Variants in NELFCD observed in about 807,000 individuals in gnomAD.
NELFCD encodes negative elongation factor C/D.
In NELFCD, 48 loss-of-function variants were observed where a neutral mutation model predicts 72.9. The observed-to-expected ratio is 0.66, with a 90% CI of 0.52 to 0.84. The LOEUF is 0.84. Ranked by LOEUF, NELFCD falls within the 40% of genes least tolerant of loss-of-function variation. NELFCD has a pLI of 0.00. For missense variants in NELFCD, 538 were observed against 723.8 expected (o/e 0.74, Z 2.94); for synonymous variants, 297 against 280.6 (o/e 1.06, Z -0.59).
Position 58,994,986 on chromosome 20 carries a change from G to A in NELFCD, c.*310G>A, listed in dbSNP as rs955141459. 5 of 307,666 alleles carry A rather than the reference G, an allele frequency of 1.6e-5. No individual in the cohort carries two copies. The highest frequency in any genetic ancestry group is 1.1e-4 in the African/African-American group (5 of 46,200). The allele number at this position is 307,666 out of a possible 1,614,324, so 19.1% of individuals were successfully genotyped here. ...TCTGGCCGTCAGCCGCGGGCCGCTG[G>A]GAACTCCACTCGGGGAACTCCTTTC... On this transcript the variant is annotated 3_prime_UTR_variant, in exon 15 of 15. Coordinates refer to ENST00000652272, the MANE Select transcript of NELFCD (RefSeq NM_198976.4).
chr20:58,981,381 C>T lies in NELFCD; in HGVS notation c.60+12C>T, dbSNP rs2091730546. On this transcript the variant is annotated intron_variant, in intron 1 of 14. Coordinates refer to ENST00000652272, the MANE Select transcript of NELFCD (RefSeq NM_198976.4). ...CTGACGGCGGCCAGGTGAGGCGGGG[C>T]ACTGGGCGCACCCTAGAGAGAATCG... 3 of 1,058,638 alleles carry T rather than the reference C, an allele frequency of 2.8e-6. No individual in the cohort carries two copies. The highest frequency in any genetic ancestry group is 2.3e-6 in the Non-Finnish European group (2 of 867,092). 65.6% of individuals were successfully genotyped at this position (1,058,638 alleles called of 1,614,324 possible). A position where few individuals can be genotyped will look rare whatever the true frequency, so the allele number is the denominator to read the frequency against.
intron 9 of NELFCD, 142 bp downstream of exon 9, chr20:58,991,588 GA>G: frequency 1.0e-6 from 1 of 972,280 alleles, no homozygotes; most frequent in Non-Finnish European, 1.5e-6. Context: ...TCTGCGTAGA[GA>G]AAGCACTAAA....
Position 58,991,930 on chromosome 20 carries a change from CTGTCGAAACCGT to C in NELFCD, c.1141_1152del (p.Val381_Val384del), listed in dbSNP as rs1475505063. 2 of 1,614,092 alleles carry C rather than the reference CTGTCGAAACCGT, an allele frequency of 1.2e-6. No individual in the cohort carries two copies. Among genetic ancestry groups the C allele is most frequent in the African/African-American group, 2.7e-5 (2 of 74,924 alleles). On this transcript the variant is annotated inframe_deletion, in exon 10 of 15. Coordinates refer to ENST00000652272, the MANE Select transcript of NELFCD (RefSeq NM_198976.4). ...GATGAGCTGAAGTCAACGTCAAAAG[CTGTCGAAACCGT>C]TCACAATTTGTGTTGCAACGAGAAC...
intron 3 of NELFCD, 188 bp downstream of exon 3, chr20:58,987,051 T>C (rs2031977225): frequency 3.7e-6 from 2 of 535,142 alleles, no homozygotes; most frequent in Non-Finnish European, 6.5e-6. Context: ...TTGCCTCTTA[T>C]CTTTGATTCA....
chr20:58,982,918 TATCTG>T (rs369845254), intron 1 of NELFCD, among the ~76,000 whole-genome samples: 109 of 152,210 alleles, frequency 7.2e-4, no homozygotes, highest in African/African-American at 2.5e-3. Context: ...TTACCCTACT[TATCTG>T]GTAAGTGTAG....
At chr20:58,988,871 G>T (rs1327901359) in intron 4 of NELFCD, 43 bp from the exon 5 acceptor site, 4 of 1,393,168 alleles carry the variant, frequency 2.9e-6, no homozygotes, top group African/African-American at 2.8e-5. Context: ...TCAAGTAAAA[G>T]TGGGGCCTCC....
Position 58,993,162 on chromosome 20 carries a change from T to A in NELFCD, c.1344+50T>A. On this transcript the variant is annotated intron_variant, in intron 11 of 14. Transcript: ENST00000652272. This position sits in a 1 kb window ranked among gnomAD's most constrained non-coding sequence, Gnocchi z 5.0. The stretch of plus-strand genomic sequence containing the variant: ...AGCCTACACAGTGTCTGTCTCATGC[T>A]GTTTACGTTGGCATTAACATTGCAT... The A allele has an allele frequency of 7.5e-7, 1 of 1,339,688 alleles. No homozygotes were observed. Among genetic ancestry groups the A allele is most frequent in the South Asian group, 1.2e-5 (1 of 85,262 alleles). The allele number at this position is 1,339,688 out of a possible 1,614,324, so 83.0% of individuals were successfully genotyped here.
At chr20:58,982,267 C>T (rs1055180079) in intron 1 of NELFCD, among the ~76,000 whole-genome samples, 1 of 149,966 alleles carries the variant, frequency 6.7e-6, no homozygotes, top group Non-Finnish European at 1.5e-5. Context: ...AGCGATTCTC[C>T]TGCCTCAGCC....
At chr20:58,983,139 CTTT>C (rs372138052) in intron 1 of NELFCD, among the ~76,000 whole-genome samples, 2 of 134,560 alleles carry the variant, frequency 1.5e-5, no homozygotes. Flanking sequence ...GCCTTTTTTT[CTTT>C]TTTTTTTTTT....
Position 58,994,789 on chromosome 20 carries a change from G to A in NELFCD, c.*113G>A. The A allele has an allele frequency of 1.2e-6, 1 of 829,540 alleles. No homozygotes were observed. Among genetic ancestry groups the A allele is most frequent in the Non-Finnish European group, 2.0e-6 (1 of 490,336 alleles). 51.4% of individuals were successfully genotyped at this position (829,540 alleles called of 1,614,324 possible). On this transcript the variant is annotated 3_prime_UTR_variant, in exon 15 of 15. Transcript: ENST00000652272. ...CAGCGTCTTGAAAATGGGCACCGCT[G>A]GGAGGAGGTGGATGACTTCTTTACA... is the stretch of plus-strand genomic sequence containing the variant.
chr20:58,991,561 ATG>A, intron 9 of NELFCD, 115 bp downstream of exon 9: 1 of 1,233,722 alleles, frequency 8.1e-7, no homozygotes, highest in South Asian at 1.4e-5. Context: ...AGTATCAGGC[ATG>A]TGTTTTCTTG....
intron 1 of NELFCD, among the ~76,000 whole-genome samples, chr20:58,984,520 G>C (rs1016757112): frequency 3.3e-5 from 5 of 152,162 alleles, no homozygotes; most frequent in Non-Finnish European, 7.3e-5. Flanking sequence ...GACAGGATGT[G>C]GGGGTGGGGT....
intron 1 of NELFCD, 34 bp downstream of exon 1, chr20:58,981,403 A>C: frequency 5.2e-6 from 5 of 963,072 alleles, no homozygotes; most frequent in East Asian, 6.8e-5. Context: ...CCTAGAGAGA[A>C]TCGTTCGTCT....
intron 9 of NELFCD, 103 bp downstream of exon 9, chr20:58,991,549 C>A: frequency 7.6e-7 from 1 of 1,318,188 alleles, no homozygotes; most frequent in Non-Finnish European, 1.1e-6. Flanking sequence ...TTGACCCTCC[C>A]TAGTATCAGG....
chr20:58,989,203 T>C (rs996300067), intron 5 of NELFCD, 182 bp downstream of exon 5: 12 of 625,552 alleles, frequency 1.9e-5, no homozygotes, highest in Admixed American at 1.8e-4. Flanking sequence ...TGGGTCAGTG[T>C]TGACTGTGTT....
In NELFCD at chr20:58,990,003, T is replaced by G; in HGVS notation, c.788+15T>G. On this transcript the variant is annotated intron_variant, in intron 7 of 14. Transcript: ENST00000652272. ...GCCCAGGAGAAGTGAGAGGCCCTGT[T>G]TCTGCTCAGCCCTTCCTTCCTAGTG... 1 of 1,610,230 alleles carries G rather than the reference T, an allele frequency of 6.2e-7. No homozygotes were observed.
chr20:58,991,165 C>A, intron 8 of NELFCD, 90 bp downstream of exon 8: 1 of 1,550,290 alleles, frequency 6.5e-7, no homozygotes, highest in Non-Finnish European at 8.8e-7. Context: ...GCTGTGAATG[C>A]AAATCCATCA....
intron 3 of NELFCD, 31 bp from the exon 4 acceptor site, chr20:58,987,677 C>A (rs1569057565): frequency 6.4e-7 from 1 of 1,564,670 alleles, no homozygotes; most frequent in Non-Finnish European, 8.8e-7. Context: ...GGACAGCTTG[C>A]CATTGTCTAG....
In NELFCD at chr20:58,991,065, C is replaced by T. The variant is rs1196893838; in HGVS notation, c.944C>T (p.Pro315Leu). Residue 315 changes from proline (P) to leucine (L), a missense_variant, in exon 8 of 15, where the codon CCG (proline) becomes CTG (leucine). By Grantham distance (98) the Pro-to-Leu change is moderately conservative. Coordinates refer to ENST00000652272, the MANE Select transcript of NELFCD (RefSeq NM_198976.4). ...ATGTTCACAAGCATGGACCCTCCTC[C>T]GGTTGAACTTGTAAGTTGCTTCTCA... ...FKMFTSMDPP[P>L]VELIRVPAFL... 3 of 1,612,818 alleles carry T rather than the reference C, an allele frequency of 1.9e-6. No homozygotes were observed. Among genetic ancestry groups the T allele is most frequent in the Non-Finnish European group, 2.5e-6 (3 of 1,179,336 alleles).
Sources: gnomAD v4.1 joint callset for allele counts (sites outside exome capture counted in the v4.1 genomes callset) on GRCh38, gnomAD v4.1.1 for gene constraint, Gnocchi (gnomAD v3.1) non-coding constraint, MANE v1.5 for transcripts, NCBI Gene and HGNC (gene_info 2026-07-23, HGNC 2026-07-21) for gene names.